The following CCNY variants were observed in gnomAD, a reference collection of about 807,000 sequenced individuals.
The protein encoded by CCNY is cyclin-Y.
In CCNY, 19 loss-of-function variants were observed where a neutral mutation model predicts 42.8. The observed-to-expected ratio is 0.44, with a 90% CI of 0.31 to 0.65. CCNY has a LOEUF of 0.65. Ranked by LOEUF, CCNY falls within the 30% of genes least tolerant of loss-of-function variation. The pLI is 0.07. For synonymous variants in CCNY, 165 were observed against 162.7 expected (o/e 1.01, Z -0.11); for missense variants, 370 against 437.3 (o/e 0.85, Z 1.37).
At chr10:35,435,353 A>C (rs1056359643) in intron 1 of CCNY, among the ~76,000 whole-genome samples, 19 of 152,292 alleles carry the variant, frequency 1.2e-4, no homozygotes, top group African/African-American at 4.1e-4. Context: ...TTGAAATAAG[A>C]TAGGATGTAC....
intron 1 of CCNY, among the ~76,000 whole-genome samples, chr10:35,391,110 C>T (rs1404527432): frequency 6.6e-6 from 1 of 152,212 alleles, no homozygotes; most frequent in Non-Finnish European, 1.5e-5. Flanking sequence ...TTAATTCTCT[C>T]AGCAAGGCAA....
intron 3 of CCNY, among the ~76,000 whole-genome samples, chr10:35,328,413 G>A (rs1835903583): frequency 6.6e-6 from 1 of 152,160 alleles, no homozygotes; most frequent in African/African-American, 2.4e-5. Context: ...ATCATTCATT[G>A]TTTTTCCTGG....
intron 3 of CCNY, among the ~76,000 whole-genome samples, chr10:35,251,825 G>A (rs924812093): frequency 8.3e-6 from 1 of 120,858 alleles, no homozygotes; most frequent in African/African-American, 2.7e-5. Flanking sequence ...CTGGGTGCAA[G>A]TGATCTGCCT....
rs899770597 is a variant in CCNY, at chr10:35,361,135, G to C, written c.154+23928G>C. 1.5e-4 allele frequency among the ~76,000 whole-genome samples: 23 copies of C among 152,162 alleles called. 1 individual carries two copies. The highest frequency in any genetic ancestry group is 1.0e-3 in the Admixed American group (16 of 15,280). ...GCCTCCCAAAGTGCTGGGATTACAGGCATGAGCCACTGCACCTGGCCCATA... is the reference window on the plus strand; with the variant it reads ...GCCTCCCAAAGTGCTGGGATTACAGCCATGAGCCACTGCACCTGGCCCATA... On this transcript the variant is annotated intron_variant, in intron 1 of 9. Coordinates refer to ENST00000374704, the MANE Select transcript of CCNY (RefSeq NM_145012.6).
At chr10:35,533,599 C>G (rs1309543801) in intron 7 of CCNY, among the ~76,000 whole-genome samples, 1 of 152,174 alleles carries the variant, frequency 6.6e-6, no homozygotes, top group Non-Finnish European at 1.5e-5. Context: ...CCCATCTTTG[C>G]TCAAAGGGCA....
intron 2 of CCNY, among the ~76,000 whole-genome samples, chr10:35,492,379 A>G (rs1839917316): frequency 6.6e-6 from 1 of 152,136 alleles, no homozygotes; most frequent in Non-Finnish European, 1.5e-5. Flanking sequence ...CATTCCATTG[A>G]TTGTGATAGA....
At chr10:35,384,815 G>A (rs928827909) in intron 1 of CCNY, among the ~76,000 whole-genome samples, 1 of 152,130 alleles carries the variant, frequency 6.6e-6, no homozygotes, top group Non-Finnish European at 1.5e-5. Context: ...AATTGCTTCC[G>A]TGGGCTTCCG....
intron 1 of CCNY, among the ~76,000 whole-genome samples, chr10:35,430,821 T>A (rs1838376292): frequency 6.6e-6 from 1 of 152,144 alleles, no homozygotes; most frequent in African/African-American, 2.4e-5. Context: ...TTTAAAAAAA[T>A]TTAATACGGC....
rs376566765 is a variant in CCNY, at chr10:35,504,625, T to TTTGTTG, written c.264+3111_264+3116dup. 5.9e-5 allele frequency among the ~76,000 whole-genome samples: 9 copies of TTTGTTG among 151,992 alleles called. No homozygotes were observed. In the South Asian group the frequency reaches 8.3e-4, roughly 14 times the overall value. On this transcript the variant is annotated intron_variant, in intron 3 of 9. Transcript: ENST00000374704. ...TAAAGTGAACAGGTATAGGAAGGTT[T>TTTGTTG]TTGTTGTTGTTGTTGTTGTTGTTGT...
chr10:35,522,610 C>A (rs1016200938), intron 4 of CCNY, among the ~76,000 whole-genome samples: 1 of 152,136 alleles, frequency 6.6e-6, no homozygotes, highest in African/African-American at 2.4e-5. Context: ...AAGGTAACAG[C>A]AGCTACTCCA....
chr10:35,535,120 CAAAA>C (rs1264274173), intron 7 of CCNY, among the ~76,000 whole-genome samples: 1 of 150,950 alleles, frequency 6.6e-6, no homozygotes, highest in Non-Finnish European at 1.5e-5. Flanking sequence ...AAGACAAAGA[CAAAA>C]GAATGTATTT....
At chr10:35,466,502 C>T (rs1839272308) in intron 1 of CCNY, among the ~76,000 whole-genome samples, 1 of 152,150 alleles carries the variant, frequency 6.6e-6, no homozygotes, top group Non-Finnish European at 1.5e-5. Context: ...TTGCCAGTCC[C>T]AGTGTTGTGA....
At chr10:35,378,204 G>T (rs1776158217) in intron 1 of CCNY, among the ~76,000 whole-genome samples, 1 of 152,194 alleles carries the variant, frequency 6.6e-6, no homozygotes, top group Non-Finnish European at 1.5e-5. Flanking sequence ...ACTAATTTAT[G>T]CAGATCTTCC....
At chr10:35,413,263 G>A (rs1837952818) in intron 1 of CCNY, among the ~76,000 whole-genome samples, 1 of 152,122 alleles carries the variant, frequency 6.6e-6, no homozygotes, top group Non-Finnish European at 1.5e-5. Flanking sequence ...ATATTTAGGG[G>A]TGGAGGTGGT....
intron 3 of CCNY, among the ~76,000 whole-genome samples, chr10:35,319,822 C>T (rs561615229): frequency 1.9e-4 from 29 of 151,956 alleles, no homozygotes; most frequent in South Asian, 2.1e-4. Flanking sequence ...TGGTGGTAGG[C>T]GCCTGTGATC....
At chr10:35,527,653 TC>T (rs1446323903) in intron 5 of CCNY, among the ~76,000 whole-genome samples, 1 of 152,228 alleles carries the variant, frequency 6.6e-6, no homozygotes, top group East Asian at 1.9e-4. Flanking sequence ...TCTATTGCTC[TC>T]CTAGATTAAT....
chr10:35,307,695 C>T (rs1379750689), intron 3 of CCNY, among the ~76,000 whole-genome samples: 3 of 143,130 alleles, frequency 2.1e-5, no homozygotes, highest in Non-Finnish European at 3.0e-5. Context: ...TATATCTACA[C>T]GTGTATATAT....
At position 35,529,037 on chromosome 10, in the gene CCNY, G is replaced by C. The variant is rs777075131; in HGVS notation, c.402-936G>C. 3.4e-4 allele frequency among the ~76,000 whole-genome samples: 51 copies of C among 152,160 alleles called. 1 individual carries two copies. Among genetic ancestry groups the C allele is most frequent in the Non-Finnish European group, 1.3e-4 (9 of 68,042 alleles). ...ACAGATGAAAGTAGAGCTGTCACTC[G>C]TGAGGTACGGAGGGTCCCCGCAGAG... On this transcript the variant is annotated intron_variant, in intron 5 of 9. Transcript: ENST00000374704.
At chr10:35,566,900 G>A (rs1285763831) in intron 9 of CCNY, among the ~76,000 whole-genome samples, 1 of 150,870 alleles carries the variant, frequency 6.6e-6, no homozygotes, top group Non-Finnish European at 1.5e-5. Context: ...AGTAGAGATG[G>A]ATGGGGTTTC....
Sources: gnomAD v4.1 joint callset for allele counts (sites outside exome capture counted in the v4.1 genomes callset) on GRCh38, gnomAD v4.1.1 for gene constraint, MANE v1.5 for transcripts, NCBI Gene and HGNC (gene_info 2026-07-23, HGNC 2026-07-21) for gene names.